PDE11A: variants seen among roughly 807,000 people sequenced by gnomAD.
The protein encoded by PDE11A is dual 3',5'-cyclic-AMP and -GMP phosphodiesterase 11A.
A neutral mutation model predicts 100.5 loss-of-function variants in PDE11A; 100 were observed. The ratio of observed to expected loss-of-function variants is 1.00; its 90% confidence interval spans 0.85 to 1.18. The LOEUF is 1.18. Ranked by LOEUF, PDE11A falls within the 50% of genes most tolerant of loss-of-function variation. The pLI is 0.00. For missense variants in PDE11A, 1,141 were observed against 1,152.6 expected (o/e 0.99, Z 0.15); for synonymous variants, 381 against 420.8 (o/e 0.91, Z 1.16).
At chr2:178,042,477 CAAAA>C (rs11291265) in intron 1 of PDE11A, among the ~76,000 whole-genome samples, 3 of 138,522 alleles carry the variant, frequency 2.2e-5, no homozygotes, top group Non-Finnish European at 1.6e-5. Context: ...GACTCTGTCT[CAAAA>C]AAAAAAAAAA....
intron 2 of PDE11A, among the ~76,000 whole-genome samples, chr2:177,945,552 C>T (rs1249890659): frequency 6.6e-6 from 1 of 150,714 alleles, no homozygotes; most frequent in African/African-American, 2.4e-5. Flanking sequence ...CCAGCCGCCC[C>T]GTCTGAGAAG....
intron 2 of PDE11A, among the ~76,000 whole-genome samples, chr2:177,937,037 C>T (rs992528604): frequency 5.9e-5 from 9 of 152,064 alleles, no homozygotes; most frequent in African/African-American, 1.9e-4. Context: ...ACTGTGTGGA[C>T]TAGTTACTAT....
At chr2:177,904,290 G>A (rs2695755) in intron 3 of PDE11A, among the ~76,000 whole-genome samples, 152,144 of 152,288 alleles carry the variant, frequency 1, 76,000 homozygotes, top group Non-Finnish European at 1. Context: ...TTATAATACT[G>A]TAAAACAGTC....
intron 1 of PDE11A, among the ~76,000 whole-genome samples, chr2:178,044,763 C>G (rs1313937087): frequency 1.3e-5 from 2 of 152,128 alleles, no homozygotes; most frequent in African/African-American, 2.4e-5. Context: ...TAAAGTGCTA[C>G]ACAAGTATAT....
At chr2:177,939,408 G>T (rs540707268) in intron 2 of PDE11A, among the ~76,000 whole-genome samples, 2 of 144,734 alleles carry the variant, frequency 1.4e-5, no homozygotes, top group East Asian at 4.2e-4. Flanking sequence ...GGGAGGGAAG[G>T]AGGGAAGGAA....
chr2:177,954,611 C>G (rs773500622), intron 2 of PDE11A, among the ~76,000 whole-genome samples: 13 of 152,096 alleles, frequency 8.5e-5, no homozygotes, highest in African/African-American at 1.9e-4. Context: ...ATTTCATTGC[C>G]CAGGGGGAAG....
chr2:178,057,548 C>A (rs377206122), intron 1 of PDE11A, among the ~76,000 whole-genome samples: 2 of 152,198 alleles, frequency 1.3e-5, no homozygotes, highest in East Asian at 3.8e-4. Context: ...AAAGATATCA[C>A]CACGGTGATT....
intron 5 of PDE11A, among the ~76,000 whole-genome samples, chr2:177,847,866 GGC>G (rs559871149): frequency 3.0e-4 from 46 of 152,096 alleles, no homozygotes; most frequent in Non-Finnish European, 6.2e-4. Flanking sequence ...AGACATAGAG[GGC>G]AGGGCTGGGA....
chr2:178,078,671 T>G (rs2087245278), intron 2 of PDE11A, among the ~76,000 whole-genome samples: 1 of 152,228 alleles, frequency 6.6e-6, no homozygotes, highest in African/African-American at 2.4e-5. Flanking sequence ...AATATCTTGC[T>G]GAAGAATAAC....
chr2:177,635,716 A>G (rs1263666469), intron 19 of PDE11A, among the ~76,000 whole-genome samples: 2 of 152,176 alleles, frequency 1.3e-5, no homozygotes, highest in African/African-American at 4.8e-5. Flanking sequence ...TAGATAATCA[A>G]GAAAAATTTT....
chr2:177,819,890 CTCTCTG>C (rs1170784738), intron 7 of PDE11A, among the ~76,000 whole-genome samples: 37 of 138,878 alleles, frequency 2.7e-4, no homozygotes, highest in African/African-American at 1.1e-3. Context: ...CTCTCTCTCT[CTCTCTG>C]TCTCTGTCTC....
chr2:177,873,530 T>C (rs369114470), intron 5 of PDE11A, among the ~76,000 whole-genome samples: 6 of 152,354 alleles, frequency 3.9e-5, no homozygotes, highest in African/African-American at 1.4e-4. Flanking sequence ...ATTTCCATTT[T>C]AAGGTATTAT....
intron 6 of PDE11A, among the ~76,000 whole-genome samples, chr2:177,825,295 T>C (rs959020732): frequency 6.6e-6 from 1 of 152,120 alleles, no homozygotes; most frequent in African/African-American, 2.4e-5. Flanking sequence ...CATCAGAGAA[T>C]GCAGAGGGTG....
chr2:177,696,846 A>C (rs2081118906), intron 15 of PDE11A, among the ~76,000 whole-genome samples: 1 of 152,200 alleles, frequency 6.6e-6, no homozygotes, highest in South Asian at 2.1e-4. Flanking sequence ...GGGAGGGTGC[A>C]ATTTCCAGCT....
At chr2:177,821,651 A>C (rs959228365) in intron 6 of PDE11A, among the ~76,000 whole-genome samples, 1 of 152,018 alleles carries the variant, frequency 6.6e-6, no homozygotes, top group East Asian at 1.9e-4. Flanking sequence ...TTTTAAAAAA[A>C]AATTTTGACA....
chr2:178,028,300 C>T (rs1204609270), intron 1 of PDE11A, among the ~76,000 whole-genome samples: 1 of 131,400 alleles, frequency 7.6e-6, no homozygotes, highest in Non-Finnish European at 1.6e-5. Context: ...CATGTTCCAT[C>T]AAAAAAAAAA....
chr2:178,026,727 G>A (rs2086483591), intron 1 of PDE11A, among the ~76,000 whole-genome samples: 1 of 151,506 alleles, frequency 6.6e-6, no homozygotes, highest in African/African-American at 2.4e-5. Context: ...TTTAGGTTTT[G>A]AAATGTTTTA....
intron 2 of PDE11A, among the ~76,000 whole-genome samples, chr2:177,977,546 T>A (rs1211299336): frequency 9.7e-6 from 1 of 103,080 alleles, no homozygotes; most frequent in Non-Finnish European, 2.0e-5. Flanking sequence ...GCCATCCCCA[T>A]CAAGCTACCA....
chr2:177,714,726 T>C (rs1456776206), intron 12 of PDE11A, among the ~76,000 whole-genome samples: 1 of 152,232 alleles, frequency 6.6e-6, no homozygotes, highest in Non-Finnish European at 1.5e-5. Flanking sequence ...TCCTTAATAA[T>C]GTACATTTTC....
Sources: allele counts gnomAD v4.1 joint callset (sites outside exome capture counted in the v4.1 genomes callset), GRCh38; gene constraint gnomAD v4.1.1; transcripts MANE v1.5; gene names NCBI Gene and HGNC (gene_info 2026-07-23, HGNC 2026-07-21).